The following SIGLEC12 variants were observed in gnomAD, a reference collection of about 807,000 sequenced individuals.
SIGLEC12 encodes the protein sialic acid-binding Ig-like lectin 12.
SIGLEC12 carries 43 observed loss-of-function variants against 54.1 expected under a neutral mutation model. That is an observed-to-expected ratio of 0.80 (90% CI 0.62 to 1.03). The LOEUF is 1.03. Ranked by LOEUF, SIGLEC12 falls within the 50% of genes least tolerant of loss-of-function variation. SIGLEC12 has a pLI of 0.00. For missense variants in SIGLEC12, 802 were observed against 735.2 expected, an observed-to-expected ratio of 1.09 and a Z score of -1.05; for synonymous variants, 357 against 307.6, an observed-to-expected ratio of 1.16 and a Z score of -1.68.
intron 7 of SIGLEC12, among the ~76,000 whole-genome samples, chr19:51,495,456 G>A (rs1350191057): frequency 5.3e-5 from 8 of 151,546 alleles, no homozygotes; most frequent in Admixed American, 2.0e-4. Flanking sequence ...CTGACGGGTG[G>A]GTGGGTGGTT....
chr19:51,497,774 T>G (rs1339940999), intron 5 of SIGLEC12, among the ~76,000 whole-genome samples: 1 of 152,236 alleles, frequency 6.6e-6, no homozygotes, highest in Non-Finnish European at 1.5e-5. Flanking sequence ...CCAAAGTGAG[T>G]GCCTCACTTG....
At chr19:51,492,146 G>T (rs2122201873) in intron 7 of SIGLEC12, among the ~76,000 whole-genome samples, 1 of 152,274 alleles carries the variant, frequency 6.6e-6, no homozygotes, top group East Asian at 1.9e-4. Flanking sequence ...AATCCAGTCA[G>T]TTCCTTCTGA....
rs190032931 is a variant in SIGLEC12 at position 51,501,241 on chromosome 19, G to A, written c.427+66C>T. On this transcript the variant is annotated intron_variant, in intron 1 of 7. Coordinates refer to ENST00000291707, the MANE Select transcript of SIGLEC12 (RefSeq NM_053003.4). ...GGCCCCCTCCCAGGACATGTGTCCC[G>A]TCTCAGCCGTGCCCTAAAGCCCTCA... 1,208 of 1,525,200 alleles carry A rather than the reference G, an allele frequency of 7.9e-4. 8 individuals are homozygous for A. In the African/African-American group the frequency reaches 0.014, roughly 17 times the overall value. The allele number at this position is 1,525,200 out of a possible 1,614,324, so 94.5% of individuals were successfully genotyped here. A position where few individuals can be genotyped will look rare whatever the true frequency, so the allele number is the denominator to read the frequency against.
intron 7 of SIGLEC12, among the ~76,000 whole-genome samples, chr19:51,496,563 G>C (rs1466987601): frequency 6.6e-6 from 1 of 152,172 alleles, no homozygotes; most frequent in Non-Finnish European, 1.5e-5. Flanking sequence ...GAGCCAAATG[G>C]AACTTGAAGC....
intron 5 of SIGLEC12, 70 bp from the exon 6 acceptor site, chr19:51,497,515 G>C (rs1323642977): frequency 1.7e-6 from 2 of 1,170,080 alleles, no homozygotes; most frequent in Admixed American, 1.9e-5. Context: ...CCCACTGCCT[G>C]TAGGGCCCCA....
rs773418381 is a variant in SIGLEC12 at position 51,501,358 on chromosome 19, C to T, written c.376G>A (p.Gly126Arg). Residue 126 changes from glycine (G) to arginine (R), a missense_variant, in exon 1 of 8, where the codon GGA becomes AGA. By Grantham distance (125) the Gly-to-Arg change is moderately radical (BLOSUM62 -2). Coordinates refer to ENST00000291707, the MANE Select transcript of SIGLEC12 (RefSeq NM_053003.4). ...AGTYVFCVERGNMKWNYKYDQ... is the reference protein window; with the variant it reads ...AGTYVFCVERRNMKWNYKYDQ... ...TATTTATAATTCCATTTCATATTTC[C>T]TCTCTCTACACAAAAGACGTATGTC... The T allele has an allele frequency of 6.2e-7, 1 of 1,614,240 alleles. No homozygotes were observed.
intron 7 of SIGLEC12, among the ~76,000 whole-genome samples, chr19:51,493,484 T>C (rs1237429831): frequency 6.6e-6 from 1 of 152,326 alleles, no homozygotes; most frequent in East Asian, 1.9e-4. Flanking sequence ...AATAGTATAC[T>C]TCAAACCCAC....
chr19:51,500,825 G>A (rs1225347575), intron 1 of SIGLEC12, among the ~76,000 whole-genome samples: 13 of 151,906 alleles, frequency 8.6e-5, no homozygotes, highest in Admixed American at 7.9e-4. Context: ...GTTTGCGCCA[G>A]GAAGTGCTTC....
Position 51,497,343 on chromosome 19 carries a change from G to T in SIGLEC12, c.1502+6C>A, listed in dbSNP as rs1191628712. On this transcript the variant is annotated splice_donor_region_variant and intron_variant, in intron 6 of 7. Transcript: ENST00000291707. ...AAGGCTCTTCCTCCCCAGGGTCAATGCTCACACAACGAAGATGATGCAGAA... is the reference window on the plus strand; with the variant it reads ...AAGGCTCTTCCTCCCCAGGGTCAATTCTCACACAACGAAGATGATGCAGAA... 6.2e-7 allele frequency: 1 copy of T among 1,611,788 alleles called. No homozygotes were observed. The highest frequency in any genetic ancestry group is 8.5e-7 in the Non-Finnish European group (1 of 1,178,134).
At chr19:51,497,309 C>A (rs752767382) in intron 6 of SIGLEC12, 40 bp downstream of exon 6, 6 of 1,562,886 alleles carry the variant, frequency 3.8e-6, no homozygotes, top group Non-Finnish European at 4.4e-6. Flanking sequence ...TCCCAGCCTG[C>A]CCTCCCCCAA....
rs770957500 is a variant in SIGLEC12, at chr19:51,498,135, C to A, written c.1288G>T (p.Val430Leu). Residue 430 changes from valine (V) to leucine (L), a missense_variant, in exon 5 of 8, where the codon GTG becomes TTG. Coordinates refer to ENST00000291707, the MANE Select transcript of SIGLEC12 (RefSeq NM_053003.4). ...LSPSQSSNLG[V>L]LELPRVHVKD... ...ACATGCACTCGAGGCAGCTCCAGCA[C>A]CCCAAGGTTCGAGGACTGTGAGGGG... 6.2e-7 allele frequency: 1 copy of A among 1,614,238 alleles called. No homozygotes were observed. Among genetic ancestry groups the A allele is most frequent in the Non-Finnish European group, 8.5e-7 (1 of 1,180,040 alleles).
In SIGLEC12 at chr19:51,499,597, T is replaced by G; in HGVS notation, c.928A>C (p.Met310Leu). The change falls in exon 3 of 8, where the codon ATG becomes CTG. Residue 310 changes from methionine to leucine, a missense_variant. By Grantham distance (15) the Met-to-Leu change is conservative. Coordinates refer to ENST00000291707, the MANE Select transcript of SIGLEC12 (RefSeq NM_053003.4). ...TCCAGGGAGGACACGGAGGCCCCCA[T>G]CCAGGTGATCGTGGGGGGCGTCCCC... ...EQGTPPTITW[M>L]GASVSSLDPT... The G allele has an allele frequency of 1.2e-6, 2 of 1,613,002 alleles. No homozygotes were observed. Among genetic ancestry groups the G allele is most frequent in the Non-Finnish European group, 1.7e-6 (2 of 1,179,514 alleles).
chr19:51,495,313 G>GGA (rs1990206527), intron 7 of SIGLEC12, among the ~76,000 whole-genome samples: 2 of 60,482 alleles, frequency 3.3e-5, no homozygotes, highest in East Asian at 5.4e-4. Flanking sequence ...GGACGGGTGG[G>GGA]TGGATGGATG....
Position 51,491,870 on chromosome 19 carries a change from G to A in SIGLEC12, c.1600-41C>T. 1.4e-6 allele frequency: 2 copies of A among 1,467,794 alleles called. 1 individual carries two copies. The highest frequency in any genetic ancestry group is 2.7e-5 in the South Asian group (2 of 73,770). The allele number at this position is 1,467,794 out of a possible 1,614,324, so 90.9% of individuals were successfully genotyped here. A position where few individuals can be genotyped will look rare whatever the true frequency, so the allele number is the denominator to read the frequency against. On this transcript the variant is annotated intron_variant, in intron 7 of 7. Transcript: ENST00000291707. ...GAAGGGAGTCAGTGCAGAGCAGTGG[G>A]GCCAGCATGCACCAGAGAGCATCCA... is the stretch of plus-strand genomic sequence containing the variant.
At chr19:51,494,461 A>G (rs1267820378) in intron 7 of SIGLEC12, among the ~76,000 whole-genome samples, 2 of 152,250 alleles carry the variant, frequency 1.3e-5, no homozygotes, top group Admixed American at 6.5e-5. Context: ...CCAAAAAGTA[A>G]CAAGCGTTGG....
chr19:51,496,824 C>T, intron 7 of SIGLEC12, 56 bp downstream of exon 7: 2 of 1,590,796 alleles, frequency 1.3e-6, no homozygotes, highest in East Asian at 2.2e-5. Context: ...AATCCCCTTC[C>T]ATGCCTGGCC....
intron 7 of SIGLEC12, among the ~76,000 whole-genome samples, chr19:51,493,390 T>G (rs1990155799): frequency 6.6e-6 from 1 of 152,224 alleles, no homozygotes; most frequent in African/African-American, 2.4e-5. Flanking sequence ...TCATCCACTG[T>G]GTTGTCTTCA....
chr19:51,497,545 C>T lies in SIGLEC12; in HGVS notation c.1406-100G>A, dbSNP rs1470762236. On this transcript the variant is annotated intron_variant, in intron 5 of 7. Coordinates refer to ENST00000291707, the MANE Select transcript of SIGLEC12 (RefSeq NM_053003.4). ...GCCCCAGACTTGGGTACCCCAGTCCCGCTTCCCGGACAGAAAGAACAAGGA... is the reference window on the plus strand; with the variant it reads ...GCCCCAGACTTGGGTACCCCAGTCCTGCTTCCCGGACAGAAAGAACAAGGA... 1.3e-5 allele frequency: 10 copies of T among 783,364 alleles called. No homozygotes were observed. The highest frequency in any genetic ancestry group is 1.0e-4 in the Admixed American group (4 of 40,088). The allele number at this position is 783,364 out of a possible 1,614,324, so 48.5% of individuals were successfully genotyped here.
At position 51,500,293 on chromosome 19, in the gene SIGLEC12, C is replaced by T. The variant is rs1990361775; in HGVS notation, c.435G>A (p.Gln145=). 2 of 1,614,188 alleles carry T rather than the reference C, an allele frequency of 1.2e-6. No homozygotes were observed. Among genetic ancestry groups the T allele is most frequent in the Non-Finnish European group, 1.7e-6 (2 of 1,180,038 alleles). The change falls in exon 2 of 8, where the codon CAG becomes CAA. Residue 145 remains glutamine (Q), a synonymous_variant. Transcript: ENST00000291707. The part of the protein sequence containing the change: ...DQLSVNVTAS[Q]DLLSRYRLEV... ...CCAGCCTGTATCTTGACAGTAGGTC[C>T]TGGGACGCTGTGGAGAAACGAGGGT...
Sources: allele counts gnomAD v4.1 joint callset (sites outside exome capture counted in the v4.1 genomes callset), GRCh38; gene constraint gnomAD v4.1.1; transcripts MANE v1.5; gene names NCBI Gene and HGNC (gene_info 2026-07-23, HGNC 2026-07-21).